HRH2: variants seen among roughly 807,000 people sequenced by gnomAD.
The protein encoded by HRH2 is histamine receptor H2, also known as histamine H2 receptor.
Under a neutral mutation model 20.1 loss-of-function variants are expected in HRH2, and 4 were observed. The ratio of observed to expected loss-of-function variants is 0.20; its 90% CI spans 0.10 to 0.45. The LOEUF is 0.45. Among genes scored for constraint, HRH2 ranks in the 20% least tolerant of loss-of-function variants. The pLI is 0.99. For missense variants in HRH2, 250 were observed against 461.6 expected (o/e 0.54, Z 4.20); for synonymous variants, 197 against 200.7 (o/e 0.98, Z 0.16).
At chr5:175,674,965 CTT>C (rs1755706903) in intron 1 of HRH2, among the ~76,000 whole-genome samples, 3 of 152,224 alleles carry the variant, frequency 2.0e-5, no homozygotes, top group Admixed American at 1.3e-4. Flanking sequence ...CATGCCATCT[CTT>C]TTAAAAGCCC....
At chr5:175,665,254 G>C (rs897968532) in intron 1 of HRH2, among the ~76,000 whole-genome samples, 1 of 152,216 alleles carries the variant, frequency 6.6e-6, no homozygotes, top group Non-Finnish European at 1.5e-5. Flanking sequence ...TTCCTGCTAC[G>C]ACCGAGGAGG....
At chr5:175,704,471 C>G (rs1193906736) in intron 2 of HRH2, among the ~76,000 whole-genome samples, 1 of 152,078 alleles carries the variant, frequency 6.6e-6, no homozygotes, top group Non-Finnish European at 1.5e-5. Context: ...AAAACAAAAT[C>G]TCTGAGCACA....
chr5:175,682,314 G>A (rs375670286), intron 1 of HRH2, among the ~76,000 whole-genome samples: 6 of 152,156 alleles, frequency 3.9e-5, no homozygotes, highest in East Asian at 3.8e-4. Flanking sequence ...TTGTTTATTC[G>A]TTCATTCATT....
chr5:175,693,108 C>T lies in HRH2; in HGVS notation c.1076+8799C>T, dbSNP rs990343223. Among the ~76,000 whole-genome samples the T allele has an allele frequency of 6.6e-6, 1 of 152,190 alleles. No individual in the cohort carries two copies. Among genetic ancestry groups the T allele is most frequent in the Non-Finnish European group, 1.5e-5 (1 of 68,050 alleles). On this transcript the variant is annotated intron_variant, in intron 2 of 2. Coordinates refer to ENST00000636584, the MANE Select transcript of HRH2 (RefSeq NM_001367711.1). The surrounding 1 kb of genome is among the most constrained non-coding windows in gnomAD (Gnocchi z 4.4). ...GAGAGATCGCATCCCTCTCTGAGTC[C>T]CAATTTCCCCATCTGTAAAAGAGAG...
chr5:175,695,617 T>C (rs1401932947), intron 2 of HRH2, among the ~76,000 whole-genome samples: 2 of 152,224 alleles, frequency 1.3e-5, no homozygotes, highest in African/African-American at 4.8e-5. Flanking sequence ...GTGCTACACT[T>C]CCCCTCACTG....
At chr5:175,690,828 C>T (rs1344072907) in intron 2 of HRH2, among the ~76,000 whole-genome samples, 1 of 152,256 alleles carries the variant, frequency 6.6e-6, no homozygotes, top group Non-Finnish European at 1.5e-5. Context: ...CTGGATCTGC[C>T]TGTGTGACAT....
chr5:175,692,740 C>T (rs1756428966), intron 2 of HRH2, among the ~76,000 whole-genome samples: 1 of 152,142 alleles, frequency 6.6e-6, no homozygotes, highest in Admixed American at 6.6e-5. Context: ...CATCTGAAAA[C>T]GGGAGACTTG....
In HRH2 at chr5:175,693,459, C is replaced by T. The variant is rs186744287; in HGVS notation, c.1076+9150C>T. On this transcript the variant is annotated intron_variant, in intron 2 of 2. Transcript: ENST00000636584. This position sits in a 1 kb window ranked among gnomAD's most constrained non-coding sequence, Gnocchi z 4.4. ...AGAAATTTGCAGAAAGTAGCGAGGG[C>T]CTCACAGACGGGACGTCGCAGGTCC... 6.6e-6 allele frequency among the ~76,000 whole-genome samples: 1 copy of T among 152,292 alleles called. No homozygotes were observed. Among genetic ancestry groups the T allele is most frequent in the East Asian group, 1.9e-4 (1 of 5,172 alleles).
chr5:175,708,132 G>A lies in HRH2; in HGVS notation c.*161G>A, dbSNP rs372262565. On this transcript the variant is annotated 3_prime_UTR_variant, in exon 3 of 3. Coordinates refer to ENST00000636584, the MANE Select transcript of HRH2 (RefSeq NM_001367711.1). ...GGTGTGGGGTCCTCAGGCCTAGGGC[G>A]GAACAGCCTATTCTGTGCTCAGCAT... is the stretch of plus-strand genomic sequence containing the variant. 3.3e-5 allele frequency: 13 copies of A among 396,084 alleles called. No individual in the cohort carries two copies. Among genetic ancestry groups the A allele is most frequent in the South Asian group, 1.4e-4 (1 of 6,994 alleles). The allele number at this position is 396,084 out of a possible 1,614,324, so 24.5% of individuals were successfully genotyped here.
At chr5:175,660,207 G>A (rs1425920618) in intron 1 of HRH2, among the ~76,000 whole-genome samples, 1 of 152,206 alleles carries the variant, frequency 6.6e-6, no homozygotes, top group Non-Finnish European at 1.5e-5. Flanking sequence ...AGAAATCCCT[G>A]ATGATGGGGA....
chr5:175,683,956 G>A lies in HRH2; in HGVS notation c.723G>A (p.Gly241=), dbSNP rs780405622. 6.2e-7 allele frequency: 1 copy of A among 1,614,160 alleles called. No individual in the cohort carries two copies. The highest frequency in any genetic ancestry group is 1.7e-5 in the Admixed American group (1 of 60,018). ...KATVTLAAVM[G]AFIICWFPYF... ...CAGTGACACTGGCCGCCGTCATGGG[G>A]GCCTTCATCATCTGCTGGTTTCCCT... Residue 241 remains glycine (G), a synonymous_variant, in exon 2 of 3, where the codon GGG becomes GGA. Transcript: ENST00000636584.
intron 2 of HRH2, among the ~76,000 whole-genome samples, chr5:175,694,337 TC>T (rs540889843): frequency 1.3e-3 from 205 of 152,102 alleles, no homozygotes; most frequent in Non-Finnish European, 2.2e-3. Flanking sequence ...CCCACCTGCA[TC>T]CCCCCAGTGT....
chr5:175,703,442 A>G (rs970429003), intron 2 of HRH2, among the ~76,000 whole-genome samples: 2 of 152,252 alleles, frequency 1.3e-5, no homozygotes, highest in Admixed American at 6.5e-5. Flanking sequence ...AAGGAAATAT[A>G]TAGCCATAAT....
At chr5:175,667,294 AT>A (rs1762928045) in intron 1 of HRH2, among the ~76,000 whole-genome samples, 1 of 152,076 alleles carries the variant, frequency 6.6e-6, no homozygotes, top group Admixed American at 6.5e-5. Flanking sequence ...AAATACAAAA[AT>A]TAGCTGGGCG....
intron 1 of HRH2, among the ~76,000 whole-genome samples, chr5:175,659,918 C>T (rs1458105778): frequency 2.0e-5 from 3 of 152,138 alleles, no homozygotes; most frequent in Non-Finnish European, 2.9e-5. Context: ...CATAGGAAGC[C>T]GATATCAGAC....
In HRH2 at chr5:175,690,964, T is replaced by A. The variant is rs572266459; in HGVS notation, c.1076+6655T>A. Among the ~76,000 whole-genome samples the A allele has an allele frequency of 3.9e-5, 6 of 152,368 alleles. No individual in the cohort carries two copies. In the South Asian group the frequency reaches 8.3e-4, roughly 21 times the overall value. On this transcript the variant is annotated intron_variant, in intron 2 of 2. Transcript: ENST00000636584. ...CTTCCATCCTTTTTGCTGTGATTTTTCCCTCCCGTCTGTTTCTCTTTCCTT... is the reference window on the plus strand; with the variant it reads ...CTTCCATCCTTTTTGCTGTGATTTTACCCTCCCGTCTGTTTCTCTTTCCTT...
chr5:175,707,146 C>A (rs2113568414), intron 2 of HRH2, among the ~76,000 whole-genome samples: 1 of 152,324 alleles, frequency 6.6e-6, no homozygotes, highest in South Asian at 2.1e-4. Flanking sequence ...GTGAGGGCTG[C>A]AAGCAGTGGC....
intron 1 of HRH2, among the ~76,000 whole-genome samples, chr5:175,658,665 G>A (rs1762640680): frequency 6.6e-6 from 1 of 152,108 alleles, no homozygotes; most frequent in Non-Finnish European, 1.5e-5. Context: ...TATGTCTCAG[G>A]AAACCAGAAC....
In HRH2 at chr5:175,709,507, GCTGCGTGC is replaced by G. The variant is rs1419690755; in HGVS notation, c.*1541_*1548del. On this transcript the variant is annotated 3_prime_UTR_variant, in exon 3 of 3. Transcript: ENST00000636584. ...GGCGCTCTCCCTCAGCGTGTCTGCA[GCTGCGTGC>G]CTGCAGCTGCGTGCCTGCCTTCTCC... The G allele has an allele frequency of 1.6e-5, 2 of 125,756 alleles. No individual in the cohort carries two copies. The highest frequency in any genetic ancestry group is 1.1e-4 in the African/African-American group (2 of 18,514). The allele number at this position is 125,756 out of a possible 1,614,324, so 7.8% of individuals were successfully genotyped here.
Sources: gnomAD v4.1 joint callset for allele counts (sites outside exome capture counted in the v4.1 genomes callset) on GRCh38, gnomAD v4.1.1 for gene constraint, Gnocchi (gnomAD v3.1) non-coding constraint, MANE v1.5 for transcripts, NCBI Gene and HGNC (gene_info 2026-07-23, HGNC 2026-07-21) for gene names.